The following GAB2 variants were observed in gnomAD, a reference collection of about 807,000 sequenced individuals.
The protein encoded by GAB2 is GRB2 associated binding protein 2.
In GAB2, 26 loss-of-function variants were observed where a neutral mutation model predicts 65.5. That is an observed-to-expected ratio of 0.40 (90% CI 0.29 to 0.55). GAB2 has a LOEUF of 0.55. Ranked by LOEUF, GAB2 falls within the 20% of genes least tolerant of loss-of-function variation. The pLI, the probability that GAB2 is intolerant of heterozygous loss-of-function variation, is 0.53. For missense variants in GAB2, 884 were observed against 875.8 expected (o/e 1.01, Z -0.12); for synonymous variants, 321 against 329.6 (o/e 0.97, Z 0.28).
At position 78,222,140 on chromosome 11, in the gene GAB2, G is replaced by A. The variant is rs671332; in HGVS notation, c.1623C>T (p.Phe541=). 6 of 1,613,752 alleles carry A rather than the reference G, an allele frequency of 3.7e-6. No homozygotes were observed. The African/African-American group carries it at 8.0e-5, about 22-fold the overall frequency. The change falls in exon 7 of 10, where the codon TTC becomes TTT. Residue 541 remains phenylalanine (F), a synonymous_variant. Transcript: ENST00000361507. ...RNNTVIDELP[F]KSPITKSWSR... ...ACCAAGACTTGGTGATAGGTGACTT[G>A]AAGGGGAGTTCATCGATGACGGTGT... is the stretch of plus-strand genomic sequence containing the variant.
At chr11:78,263,053 T>G (rs1019560530) in intron 2 of GAB2, among the ~76,000 whole-genome samples, 5 of 152,254 alleles carry the variant, frequency 3.3e-5, no homozygotes, top group African/African-American at 1.2e-4. Context: ...CAGAGAAAGT[T>G]TGCTGACCCT....
chr11:78,228,407 A>G (rs1202132302), intron 3 of GAB2, among the ~76,000 whole-genome samples: 5 of 152,212 alleles, frequency 3.3e-5, no homozygotes, highest in Non-Finnish European at 5.9e-5. Flanking sequence ...ATTCTGGTCA[A>G]AAGCTCTTGG....
chr11:78,242,135 C>T (rs1291015834), intron 3 of GAB2, among the ~76,000 whole-genome samples: 1 of 152,072 alleles, frequency 6.6e-6, no homozygotes, highest in African/African-American at 2.4e-5. Flanking sequence ...GAGGAAATTT[C>T]AAAATTGTAC....
chr11:78,301,817 C>T (rs769507324), intron 1 of GAB2, among the ~76,000 whole-genome samples: 1 of 152,158 alleles, frequency 6.6e-6, no homozygotes, highest in South Asian at 2.1e-4. Context: ...AGTCATTAAA[C>T]AGCATGGTAC....
chr11:78,355,050 A>C (rs1856337367), intron 1 of GAB2, among the ~76,000 whole-genome samples: 1 of 152,248 alleles, frequency 6.6e-6, no homozygotes, highest in Non-Finnish European at 1.5e-5. Context: ...GACATTTCAC[A>C]ATCTTAAAAC....
intron 2 of GAB2, among the ~76,000 whole-genome samples, chr11:78,257,274 C>T (rs916606827): frequency 5.3e-5 from 8 of 152,140 alleles, no homozygotes; most frequent in African/African-American, 1.7e-4. Flanking sequence ...CAAATAATGA[C>T]TAGTTCCCTT....
At position 78,235,874 on chromosome 11, in the gene GAB2, C is replaced by T. The variant is rs1213864725; in HGVS notation, c.621-8823G>A. On this transcript the variant is annotated intron_variant, in intron 3 of 9. Transcript: ENST00000361507. ...AACTGTTCCAACCTCTGCCTGTTAC[C>T]CAGTTCCAAAGTCGCTTCCACATTT... Among the ~76,000 whole-genome samples, 4 of 152,188 alleles carry T rather than the reference C, an allele frequency of 2.6e-5. No homozygotes were observed. The South Asian group carries it at 6.2e-4, about 24-fold the overall frequency.
chr11:78,318,564 C>T (rs753318180), intron 1 of GAB2, among the ~76,000 whole-genome samples: 5 of 151,756 alleles, frequency 3.3e-5, no homozygotes, highest in South Asian at 2.1e-4. Flanking sequence ...GCCTGAACAA[C>T]GGCAGTGGCA....
In GAB2 at chr11:78,219,142, G is replaced by A; in HGVS notation, c.*130C>T. On this transcript the variant is annotated 3_prime_UTR_variant, in exon 10 of 10. Coordinates refer to ENST00000361507, the MANE Select transcript of GAB2 (RefSeq NM_080491.3). Reference sequence around the variant, plus strand: ...AAGGGTTCAGGGTCCCTGATGTCAAGTGCTTTGAAGGCTGAGACTGGCAGA... The same window carrying A: ...AAGGGTTCAGGGTCCCTGATGTCAAATGCTTTGAAGGCTGAGACTGGCAGA... 1.2e-6 allele frequency: 1 copy of A among 861,112 alleles called. No homozygotes were observed. Among genetic ancestry groups the A allele is most frequent in the Non-Finnish European group, 1.8e-6 (1 of 556,578 alleles). 53.3% of individuals were successfully genotyped at this position (861,112 alleles called of 1,614,324 possible).
chr11:78,360,058 A>G (rs1856412783), intron 1 of GAB2, among the ~76,000 whole-genome samples: 1 of 152,214 alleles, frequency 6.6e-6, no homozygotes, highest in Non-Finnish European at 1.5e-5. Context: ...GGAGGAAGAG[A>G]CAGTGTGACC....
chr11:78,284,091 A>C (rs770042501), intron 1 of GAB2, among the ~76,000 whole-genome samples: 2 of 152,078 alleles, frequency 1.3e-5, no homozygotes, highest in Non-Finnish European at 2.9e-5. Context: ...ACTCTCTCCC[A>C]TCTCATTTAC....
At chr11:78,292,868 A>G (rs143461396) in intron 1 of GAB2, among the ~76,000 whole-genome samples, 1 of 152,300 alleles carries the variant, frequency 6.6e-6, no homozygotes, top group East Asian at 1.9e-4. Context: ...CCTTTAACAA[A>G]TGCTGCAAGG....
intron 1 of GAB2, among the ~76,000 whole-genome samples, chr11:78,366,055 T>C (rs1856493039): frequency 2.0e-5 from 3 of 152,206 alleles, no homozygotes; most frequent in Non-Finnish European, 4.4e-5. Context: ...AGACAATGAA[T>C]ATACATATGT....
At chr11:78,363,528 A>AGGG (rs1386475598) in intron 1 of GAB2, among the ~76,000 whole-genome samples, 1 of 152,206 alleles carries the variant, frequency 6.6e-6, no homozygotes, top group African/African-American at 2.4e-5. Flanking sequence ...CAGATGAATA[A>AGGG]AAATGTCTGC....
In GAB2 at chr11:78,342,133, G is replaced by A. The variant is rs889385464; in HGVS notation, c.76-61232C>T. Among the ~76,000 whole-genome samples, 3 of 152,110 alleles carry A rather than the reference G, an allele frequency of 2.0e-5. No individual in the cohort carries two copies. In the East Asian group the frequency reaches 5.8e-4, roughly 29 times the overall value. On this transcript the variant is annotated intron_variant, in intron 1 of 9. Transcript: ENST00000361507. ...TGTGCAAATGCAAATAAGTATACTC[G>A]CAGAAACAAAAATTTCAACCTACAA...
intron 2 of GAB2, among the ~76,000 whole-genome samples, chr11:78,258,796 T>C (rs561077561): frequency 2.0e-5 from 3 of 152,266 alleles, no homozygotes; most frequent in East Asian, 3.9e-4. Context: ...ACATACAATA[T>C]ATGAATCAGT....
intron 5 of GAB2, among the ~76,000 whole-genome samples, chr11:78,224,881 C>A (rs1320638813): frequency 6.6e-6 from 1 of 152,012 alleles, no homozygotes; most frequent in Non-Finnish European, 1.5e-5. Context: ...GGTTGGTGAA[C>A]CTTGTAATCC....
At chr11:78,381,098 A>C in intron 1 of GAB2, among the ~76,000 whole-genome samples, 1 of 152,128 alleles carries the variant, frequency 6.6e-6, no homozygotes, top group East Asian at 1.9e-4. Context: ...TCTGAATCTC[A>C]CTATTTAAGG....
At chr11:78,221,856 G>A in intron 7 of GAB2, 77 bp from the exon 8 acceptor site, 3 of 982,142 alleles carry the variant, frequency 3.1e-6, no homozygotes, top group Admixed American at 1.9e-5. Context: ...GCTGGGCCCT[G>A]ACCCTCACAC....
Sources: allele counts gnomAD v4.1 joint callset (sites outside exome capture counted in the v4.1 genomes callset), GRCh38; gene constraint gnomAD v4.1.1; transcripts MANE v1.5; gene names NCBI Gene and HGNC (gene_info 2026-07-23, HGNC 2026-07-21).